FANCB: variants seen among roughly 807,000 people sequenced by gnomAD.
The protein encoded by FANCB is FA complementation group B, also known as Fanconi anemia group B protein.
Under a neutral mutation model 38.9 loss-of-function variants are expected in FANCB, and 5 were observed. The observed-to-expected ratio is 0.13, with a 90% confidence interval of 0.07 to 0.27. FANCB has a LOEUF of 0.27. FANCB is among the 10% of genes least tolerant of loss of function. The pLI is 1.00. For missense variants in FANCB, 573 were observed against 602.7 expected, an observed-to-expected ratio of 0.95 and a Z score of 0.52; for synonymous variants, 236 against 215.4, an observed-to-expected ratio of 1.10 and a Z score of -0.84.
At chrX:14,869,276 T>C (rs2092484422) in intron 1 of FANCB, 1 of 112,167 alleles carries the variant, frequency 8.9e-6, no homozygotes, top group African/African-American at 3.2e-5. Flanking sequence ...AATTTTATTA[T>C]TTTAATGTTA....
the FANCB span, among the ~76,000 whole-genome samples, chrX:14,746,059 G>T: frequency 9.0e-6 from 1 of 111,445 alleles, no homozygotes; most frequent in Non-Finnish European, 1.9e-5. Flanking sequence ...TATATTAGGG[G>T]CCCTTTGGGG....
chrX:14,774,774 C>T, the FANCB span, among the ~76,000 whole-genome samples: 4 of 111,899 alleles, frequency 3.6e-5, no homozygotes, highest in East Asian at 1.1e-3. Flanking sequence ...CTTTATTGTC[C>T]GTAAACAATA....
At chrX:14,764,995 G>C in the FANCB span, among the ~76,000 whole-genome samples, 3 of 112,137 alleles carry the variant, frequency 2.7e-5, no homozygotes, top group East Asian at 8.4e-4. Context: ...AGTTAAATTT[G>C]TATTTCAGAT....
the FANCB span, among the ~76,000 whole-genome samples, chrX:14,704,459 G>T: frequency 6.2e-5 from 7 of 112,453 alleles, no homozygotes; most frequent in South Asian, 1.8e-3. Flanking sequence ...CTCATAAAAA[G>T]ATCGAGCTAA....
the FANCB span, among the ~76,000 whole-genome samples, chrX:14,792,893 T>G: frequency 1.3e-4 from 14 of 111,861 alleles, no homozygotes; most frequent in Non-Finnish European, 2.4e-4. Flanking sequence ...TCTTTATATA[T>G]TCTCCTTATC....
At chrX:14,861,521 C>T (rs1262876805) in intron 3 of FANCB, among the ~76,000 whole-genome samples, 1 of 111,434 alleles carries the variant, frequency 9.0e-6, no homozygotes, top group Non-Finnish European at 1.9e-5. Context: ...AGGAAAACTG[C>T]TTCTATTGCT....
chrX:14,744,780 C>G, the FANCB span, among the ~76,000 whole-genome samples: 4 of 111,087 alleles, frequency 3.6e-5, no homozygotes, highest in Non-Finnish European at 5.7e-5. Flanking sequence ...TTTTTTTCCT[C>G]TTGTGGTCTC....
chrX:14,853,130 A>T lies in FANCB; in HGVS notation c.1235T>A (p.Leu412Gln). The T allele has an allele frequency of 2.5e-6, 3 of 1,205,534 alleles. No individual in the cohort carries two copies. Among genetic ancestry groups the T allele is most frequent in the Non-Finnish European group, 3.4e-6 (3 of 890,551 alleles). ...TGAAATAATTTTTTCCTTAAGCAAC[A>T]GATGCTGCCGTAATTCCCGAAAAGA... is the stretch of plus-strand genomic sequence containing the variant. ...FSSFRELRQH[L>Q]LLKEKIISKS... The change falls in exon 6 of 10, where the codon CTG (leucine) becomes CAG (glutamine). Residue 412 changes from leucine to glutamine, a missense_variant. By Grantham distance (113) the Leu-to-Gln change is moderately radical. Coordinates refer to ENST00000650831, the MANE Select transcript of FANCB (RefSeq NM_001018113.3).
the FANCB span, among the ~76,000 whole-genome samples, chrX:14,750,984 C>T: frequency 9.0e-6 from 1 of 110,725 alleles, no homozygotes; most frequent in South Asian, 3.8e-4. Context: ...TTATTTAACC[C>T]TTCCAAACTT....
chrX:14,771,327 A>C, the FANCB span, among the ~76,000 whole-genome samples: 1 of 111,108 alleles, frequency 9.0e-6, no homozygotes, highest in Admixed American at 9.6e-5. Flanking sequence ...GGTTTTGTTC[A>C]TTCCTTTTTG....
chrX:14,716,694 C>A, the FANCB span, among the ~76,000 whole-genome samples: 30 of 111,532 alleles, frequency 2.7e-4, 1 homozygote, highest in Non-Finnish European at 1.5e-4. Flanking sequence ...CAGGAGCTCA[C>A]CCCTCTGGTG....
At chrX:14,868,832 T>A (rs1026460902) in intron 2 of FANCB, 91 bp downstream of exon 2, 3 of 111,973 alleles carry the variant, frequency 2.7e-5, no homozygotes, top group African/African-American at 9.7e-5. Flanking sequence ...TATGTATGTA[T>A]CAAAACATCA....
At chrX:14,854,857 T>C (rs2092417118) in intron 5 of FANCB, among the ~76,000 whole-genome samples, 1 of 111,881 alleles carries the variant, frequency 8.9e-6, no homozygotes, top group Non-Finnish European at 1.9e-5. Context: ...CCTGGCCTTT[T>C]AAGATAATTT....
chrX:14,698,728 A>ATATGTCAT, the FANCB span, among the ~76,000 whole-genome samples: 1 of 108,004 alleles, frequency 9.3e-6, no homozygotes, highest in Non-Finnish European at 1.9e-5. Flanking sequence ...TCCCAAGGCA[A>ATATGTCAT]TATGTCATCT....
intron 3 of FANCB, among the ~76,000 whole-genome samples, chrX:14,861,979 G>A (rs1197481819): frequency 8.9e-6 from 1 of 111,748 alleles, no homozygotes; most frequent in Non-Finnish European, 1.9e-5. Context: ...TGAGTAGCTG[G>A]GACTACAGGC....
chrX:14,769,147 G>T, the FANCB span, among the ~76,000 whole-genome samples: 7 of 111,456 alleles, frequency 6.3e-5, no homozygotes, highest in African/African-American at 2.3e-4. Flanking sequence ...TCTCTTCCAG[G>T]ATTTGGTATC....
rs752638099 is a variant in FANCB, at chrX:14,861,908, G to A, written c.952-2574C>T. ...TCAACCAGCTGGAGTGCAGCGGGGC[G>A]ATCTCAGCTCACTGCAACCTCCACC... On this transcript the variant is annotated intron_variant, in intron 3 of 9. Coordinates refer to ENST00000650831, the MANE Select transcript of FANCB (RefSeq NM_001018113.3). Among the ~76,000 whole-genome samples the A allele has an allele frequency of 7.3e-5, 8 of 110,338 alleles. No homozygotes were observed. In the South Asian group the frequency reaches 1.5e-3, roughly 21 times the overall value.
the FANCB span, among the ~76,000 whole-genome samples, chrX:14,769,802 TTTC>T: frequency 8.9e-6 from 1 of 112,019 alleles, no homozygotes; most frequent in Non-Finnish European, 1.9e-5. Context: ...TGCTATAAAT[TTTC>T]TTCTTAACAC....
chrX:14,828,699 C>T, the FANCB span, among the ~76,000 whole-genome samples: 1 of 111,439 alleles, frequency 9.0e-6, no homozygotes, highest in Non-Finnish European at 1.9e-5. Context: ...TTTTCCCAAA[C>T]TCCTGTTAAA....
Sources: allele counts gnomAD v4.1 joint callset (sites outside exome capture counted in the v4.1 genomes callset), GRCh38; gene constraint gnomAD v4.1.1; transcripts MANE v1.5; gene names NCBI Gene and HGNC (gene_info 2026-07-23, HGNC 2026-07-21).